Variants in CARMIL1 observed in about 807,000 individuals in gnomAD.
CARMIL1 encodes capping protein regulator and myosin 1 linker 1.
In CARMIL1, 90 loss-of-function variants were observed where a neutral mutation model predicts 177.1. The observed-to-expected ratio is 0.51, with a 90% CI of 0.43 to 0.61. The LOEUF (loss-of-function observed/expected upper bound fraction) is 0.61, where lower values mean the gene tolerates loss of function less well. Ranked by LOEUF, CARMIL1 falls within the 20% of genes least tolerant of loss-of-function variation. The probability of loss-of-function intolerance (pLI) is 0.00; values close to 1 mark genes in which losing one functional copy is unlikely to be tolerated. For missense variants in CARMIL1, 1,380 were observed against 1,667.0 expected (o/e 0.83, Z 3.00); for synonymous variants, 577 against 606.2 (o/e 0.95, Z 0.71).
intron 13 of CARMIL1, among the ~76,000 whole-genome samples, chr6:25,490,108 TG>T (rs1803054253): frequency 1.3e-5 from 2 of 150,536 alleles, no homozygotes; most frequent in African/African-American, 4.9e-5. Context: ...GAGGGGAGAG[TG>T]GGCGGGGAAG....
At position 25,550,901 on chromosome 6, in the gene CARMIL1, G is replaced by A. The variant is rs776739748; in HGVS notation, c.2329-9G>A. The A allele has an allele frequency of 1.6e-5, 26 of 1,611,656 alleles. No homozygotes were observed. The highest frequency in any genetic ancestry group is 2.1e-5 in the Non-Finnish European group (25 of 1,178,614). On this transcript the variant is annotated splice_polypyrimidine_tract_variant and intron_variant, in intron 26 of 36. Transcript: ENST00000329474. ...ATCATCTCTTCCCTTCACTTGTGCT[G>A]CATTGCAGGCGTTGCTTGAGTCCAT...
At chr6:25,533,844 A>C (rs1025188834) in intron 24 of CARMIL1, among the ~76,000 whole-genome samples, 2 of 151,974 alleles carry the variant, frequency 1.3e-5, no homozygotes, top group African/African-American at 4.8e-5. Flanking sequence ...CTATCTTCCC[A>C]ATTATTTTTT....
intron 36 of CARMIL1, 22 bp from the exon 37 acceptor site, chr6:25,619,425 G>A (rs1374000602): frequency 1.2e-6 from 2 of 1,606,486 alleles, no homozygotes; most frequent in South Asian, 2.2e-5. Context: ...AGTAAACTGT[G>A]CGACTTCCCT....
At chr6:25,432,594 T>A (rs1796890790) in intron 4 of CARMIL1, among the ~76,000 whole-genome samples, 1 of 152,234 alleles carries the variant, frequency 6.6e-6, no homozygotes, top group South Asian at 2.1e-4. Flanking sequence ...TATACAGTTT[T>A]ATAGTTATAC....
intron 12 of CARMIL1, among the ~76,000 whole-genome samples, chr6:25,485,577 G>A (rs146634717): frequency 0.012 from 1,846 of 152,206 alleles, 50 homozygotes; most frequent in African/African-American, 0.042. Context: ...TGGGATTACA[G>A]GCATGTGCCA....
intron 2 of CARMIL1, among the ~76,000 whole-genome samples, chr6:25,301,365 T>A (rs1782847307): frequency 6.6e-6 from 1 of 152,092 alleles, no homozygotes; most frequent in Non-Finnish European, 1.5e-5. Context: ...TTGGAAAGGG[T>A]GACTTTTAGA....
At chr6:25,397,627 A>G (rs955719115) in intron 2 of CARMIL1, among the ~76,000 whole-genome samples, 2 of 152,216 alleles carry the variant, frequency 1.3e-5, no homozygotes, top group Admixed American at 6.5e-5. Flanking sequence ...TATTTGACAC[A>G]TGAGGGTTTT....
At chr6:25,502,272 A>G (rs1015787467) in intron 17 of CARMIL1, among the ~76,000 whole-genome samples, 3 of 151,848 alleles carry the variant, frequency 2.0e-5, no homozygotes, top group African/African-American at 7.3e-5. Context: ...AACAAAAAAA[A>G]AACACCAGGC....
chr6:25,411,403 A>G (rs1321933214), intron 2 of CARMIL1, among the ~76,000 whole-genome samples: 4 of 152,178 alleles, frequency 2.6e-5, no homozygotes, highest in South Asian at 2.1e-4. Context: ...TGTCACTGCT[A>G]AAGTACTGTC....
chr6:25,325,763 A>G (rs1157206350), intron 2 of CARMIL1, among the ~76,000 whole-genome samples: 4 of 152,240 alleles, frequency 2.6e-5, no homozygotes, highest in African/African-American at 9.6e-5. Flanking sequence ...GCAAGAGACA[A>G]ACATATGCAT....
chr6:25,490,470 G>C (rs1180283266), intron 13 of CARMIL1, among the ~76,000 whole-genome samples: 1 of 152,128 alleles, frequency 6.6e-6, no homozygotes, highest in Non-Finnish European at 1.5e-5. Flanking sequence ...GGCTAAGGCA[G>C]GTGGATCTCT....
intron 2 of CARMIL1, among the ~76,000 whole-genome samples, chr6:25,345,330 G>A (rs79840009): frequency 0.052 from 7,918 of 152,182 alleles, 276 homozygotes; most frequent in Non-Finnish European, 0.087. Flanking sequence ...CAAACTCTAA[G>A]CAAAGTGTTT....
chr6:25,403,897 T>C (rs1410887468), intron 2 of CARMIL1, among the ~76,000 whole-genome samples: 1 of 152,250 alleles, frequency 6.6e-6, no homozygotes, highest in Non-Finnish European at 1.5e-5. Flanking sequence ...GAATGAAATA[T>C]AAGCTGCTTG....
Position 25,485,650 on chromosome 6 carries a change from G to T in CARMIL1, c.962-2832G>T, listed in dbSNP as rs367658076. On this transcript the variant is annotated intron_variant, in intron 12 of 36. Coordinates refer to ENST00000329474, the MANE Select transcript of CARMIL1 (RefSeq NM_017640.6). The stretch of plus-strand genomic sequence containing the variant: ...AGTTTTCGCCATGTTGGCTAGGCTG[G>T]TCTCAAATTCCTGACCTCAGGTGAT... 4.6e-4 allele frequency among the ~76,000 whole-genome samples: 70 copies of T among 152,206 alleles called. No individual in the cohort carries two copies. The South Asian group carries it at 6.6e-3, about 14-fold the overall frequency.
At chr6:25,479,374 C>G (rs1801880553) in intron 11 of CARMIL1, 2 of 336,934 alleles carry the variant, frequency 5.9e-6, no homozygotes, top group African/African-American at 4.3e-5. Context: ...TTATTTACTT[C>G]TTCTTAAATT....
chr6:25,463,347 A>G (rs76226514), intron 8 of CARMIL1, among the ~76,000 whole-genome samples: 2,487 of 152,316 alleles, frequency 0.016, 62 homozygotes, highest in African/African-American at 0.044. Context: ...AGAATGCTGT[A>G]TACCTTAAAA....
At chr6:25,414,405 A>G (rs1221728362) in intron 2 of CARMIL1, among the ~76,000 whole-genome samples, 2 of 152,200 alleles carry the variant, frequency 1.3e-5, no homozygotes, top group Non-Finnish European at 2.9e-5. Flanking sequence ...CATCCCAGGC[A>G]CTGAAGAAGT....
At chr6:25,608,023 A>G (rs1254440017) in intron 35 of CARMIL1, among the ~76,000 whole-genome samples, 1 of 152,264 alleles carries the variant, frequency 6.6e-6, no homozygotes, top group Non-Finnish European at 1.5e-5. Flanking sequence ...GGAGGCAAAG[A>G]AAATAGAAAA....
At chr6:25,488,683 C>T (rs370947244) in intron 13 of CARMIL1, 98 bp downstream of exon 13, 2 of 965,090 alleles carry the variant, frequency 2.1e-6, no homozygotes, top group African/African-American at 3.2e-5. Context: ...TCCTGCCTCT[C>T]TCTTTGTCAT....
Sources: allele counts gnomAD v4.1 joint callset (sites outside exome capture counted in the v4.1 genomes callset), GRCh38; gene constraint gnomAD v4.1.1; transcripts MANE v1.5; gene names NCBI Gene and HGNC (gene_info 2026-07-23, HGNC 2026-07-21).